Variants in ATAD2B observed in about 807,000 individuals in gnomAD.
The protein encoded by ATAD2B is ATPase family AAA domain-containing protein 2B.
In ATAD2B, 40 loss-of-function variants were observed where a neutral mutation model predicts 167.6. The ratio of observed to expected loss-of-function variants is 0.24; its 90% CI spans 0.19 to 0.31. ATAD2B has a LOEUF of 0.31. ATAD2B is among the 10% of genes least tolerant of loss of function. The pLI, the probability that ATAD2B is intolerant of heterozygous loss-of-function variation, is 1.00. For missense variants in ATAD2B, 1,242 were observed against 1,757.2 expected, an observed-to-expected ratio of 0.71 and a Z score of 5.24; for synonymous variants, 579 against 596.5, an observed-to-expected ratio of 0.97 and a Z score of 0.43.
chr2:23,923,015 C>T (rs534855349), intron 1 of ATAD2B, among the ~76,000 whole-genome samples: 7 of 152,136 alleles, frequency 4.6e-5, no homozygotes, highest in African/African-American at 1.7e-4. Flanking sequence ...GGGTATTTAT[C>T]CAAAGGAATT....
At chr2:23,872,911 T>A (rs1395320369) in intron 8 of ATAD2B, 15 of 772,922 alleles carry the variant, frequency 1.9e-5, no homozygotes, top group Admixed American at 1.5e-4. Context: ...CATCTCCTTA[T>A]GGCCCGCCGG....
the ATAD2B span, among the ~76,000 whole-genome samples, chr2:23,716,658 A>C: frequency 2.6e-5 from 4 of 152,150 alleles, no homozygotes; most frequent in African/African-American, 9.7e-5. Context: ...TTCTCCCCCA[A>C]ATTATCTGAC....
chr2:23,743,494 T>G, the ATAD2B span, among the ~76,000 whole-genome samples: 1 of 136,952 alleles, frequency 7.3e-6, no homozygotes, highest in Admixed American at 7.9e-5. Context: ...ACCCGGGAGG[T>G]GGAGGTTACA....
chr2:23,691,720 G>A, the ATAD2B span: 71 of 1,551,784 alleles, frequency 4.6e-5, no homozygotes, highest in East Asian at 8.1e-4. Context: ...GCTGGAGCTC[G>A]TCCTGTCGAA....
intron 1 of ATAD2B, among the ~76,000 whole-genome samples, chr2:23,910,251 T>G (rs1702093170): frequency 6.8e-6 from 1 of 147,414 alleles, no homozygotes; most frequent in Non-Finnish European, 1.5e-5. Flanking sequence ...CGATCTCAGC[T>G]CACTGCAACC....
At chr2:23,848,307 G>A (rs913895878) in intron 13 of ATAD2B, among the ~76,000 whole-genome samples, 3 of 151,596 alleles carry the variant, frequency 2.0e-5, no homozygotes, top group African/African-American at 4.8e-5. Flanking sequence ...GCTCGAGACC[G>A]TGTCTCTACT....
the ATAD2B span, among the ~76,000 whole-genome samples, chr2:23,741,444 A>T: frequency 3.9e-5 from 6 of 152,014 alleles, no homozygotes; most frequent in Non-Finnish European, 8.8e-5. Context: ...CAAAAACAAG[A>T]AATGGGGAAA....
intron 6 of ATAD2B, among the ~76,000 whole-genome samples, chr2:23,882,206 T>A (rs1322199328): frequency 3.3e-5 from 5 of 151,802 alleles, no homozygotes; most frequent in Non-Finnish European, 5.9e-5. Flanking sequence ...ATTTTTTTTT[T>A]ATTTTTATTT....
intron 18 of ATAD2B, among the ~76,000 whole-genome samples, chr2:23,803,698 T>G (rs1256764739): frequency 2.0e-5 from 3 of 152,234 alleles, no homozygotes; most frequent in African/African-American, 4.8e-5. Flanking sequence ...AAGAAAGTTC[T>G]GTCATGTATA....
chr2:23,738,801 AC>A, the ATAD2B span, among the ~76,000 whole-genome samples: 2 of 152,194 alleles, frequency 1.3e-5, no homozygotes, highest in Non-Finnish European at 2.9e-5. Context: ...TATTCAGGAA[AC>A]CCATCTCACG....
chr2:23,795,385 G>A (rs1273344311), intron 19 of ATAD2B, among the ~76,000 whole-genome samples: 1 of 152,020 alleles, frequency 6.6e-6, no homozygotes, highest in African/African-American at 2.4e-5. Context: ...GAGTACAGTA[G>A]TACAACTGTA....
intron 6 of ATAD2B, among the ~76,000 whole-genome samples, chr2:23,881,132 T>C (rs1697819426): frequency 6.6e-6 from 1 of 152,204 alleles, no homozygotes; most frequent in Non-Finnish European, 1.5e-5. Flanking sequence ...AAGATTAGTA[T>C]TCAAATACCA....
At chr2:23,772,435 T>C (rs1276593682) in intron 22 of ATAD2B, among the ~76,000 whole-genome samples, 2 of 152,118 alleles carry the variant, frequency 1.3e-5, no homozygotes, top group Non-Finnish European at 2.9e-5. Context: ...TTGTAGCCTA[T>C]GCAATACCAC....
rs567154380 is a variant in ATAD2B at position 23,751,759 on chromosome 2, C to T, written c.*287G>A. The T allele has an allele frequency of 2.2e-4, 90 of 415,682 alleles. 1 individual carries two copies. In the South Asian group the frequency reaches 2.7e-3, roughly 12 times the overall value. 25.7% of individuals were successfully genotyped at this position (415,682 alleles called of 1,614,324 possible). On this transcript the variant is annotated 3_prime_UTR_variant, in exon 28 of 28. Coordinates refer to ENST00000238789, the MANE Select transcript of ATAD2B (RefSeq NM_017552.4). ...AAAAGAGAGTGCACAAAAAGAGGAGCAGAAGCGAGAGCAGTTTCTGTAGCA... is the reference window on the plus strand; with the variant it reads ...AAAAGAGAGTGCACAAAAAGAGGAGTAGAAGCGAGAGCAGTTTCTGTAGCA...
intron 13 of ATAD2B, among the ~76,000 whole-genome samples, chr2:23,851,973 C>T (rs2675357): frequency 0.065 from 9,798 of 149,934 alleles, 405 homozygotes; most frequent in African/African-American, 0.12. Flanking sequence ...GAAAAGAATA[C>T]TACCGCAGAC....
At chr2:23,908,880 C>T (rs1264078281) in intron 1 of ATAD2B, among the ~76,000 whole-genome samples, 2 of 148,892 alleles carry the variant, frequency 1.3e-5, no homozygotes, top group Non-Finnish European at 1.5e-5. Context: ...AGTAAACTAT[C>T]GCAAGAAAAA....
At chr2:23,772,628 G>T (rs1678501318) in intron 22 of ATAD2B, among the ~76,000 whole-genome samples, 1 of 149,920 alleles carries the variant, frequency 6.7e-6, no homozygotes, top group Non-Finnish European at 1.5e-5. Flanking sequence ...CAAGAAAAAA[G>T]AATAAATGAA....
the ATAD2B span, chr2:23,690,752 A>G: frequency 6.6e-6 from 1 of 152,376 alleles, no homozygotes; most frequent in Middle Eastern, 3.4e-3. Context: ...CTCTTGCTTC[A>G]TCTTATCTGT....
downstream of ATAD2B, chr2:23,748,656 G>A (rs1399698869): frequency 6.6e-6 from 1 of 152,076 alleles, no homozygotes; most frequent in African/African-American, 2.4e-5. Flanking sequence ...TTAAGCTAAA[G>A]AAAGACATGT....
Sources: allele counts gnomAD v4.1 joint callset (sites outside exome capture counted in the v4.1 genomes callset), GRCh38; gene constraint gnomAD v4.1.1; transcripts MANE v1.5; gene names NCBI Gene and HGNC (gene_info 2026-07-23, HGNC 2026-07-21).